Variants in COX7A2L observed in about 807,000 individuals in gnomAD.
COX7A2L encodes the protein cytochrome c oxidase subunit 7A2 like.
In COX7A2L, 18 loss-of-function variants were observed where a neutral mutation model predicts 14.2. The observed-to-expected ratio is 1.27, with a 90% CI of 0.88 to 1.88. The LOEUF is 1.88. Among genes scored for constraint, COX7A2L ranks in the 40% most tolerant of loss-of-function variants. The probability of loss-of-function intolerance (pLI) is 0.00; values close to 1 mark genes in which losing one functional copy is unlikely to be tolerated. For synonymous variants in COX7A2L, 65 were observed against 57.4 expected, an observed-to-expected ratio of 1.13 and a Z score of -0.60; for missense variants, 179 against 138.8, an observed-to-expected ratio of 1.29 and a Z score of -1.46.
chr2:42,361,231 G>A, upstream of COX7A2L: 2 of 1,448,282 alleles, frequency 1.4e-6, no homozygotes, highest in Non-Finnish European at 1.9e-6. Context: ...CCGCCTCCCC[G>A]GCTGTGGTCC....
chr2:42,353,541 C>T (rs542569391), intron 1 of COX7A2L, among the ~76,000 whole-genome samples, 198 bp from the exon 2 acceptor site: 1 of 152,318 alleles, frequency 6.6e-6, no homozygotes, highest in South Asian at 2.1e-4. Context: ...AAGGCCCAAT[C>T]TGAGCTTCCA....
intron 2 of COX7A2L, among the ~76,000 whole-genome samples, chr2:42,341,986 C>T (rs936613437): frequency 1.3e-5 from 2 of 152,134 alleles, no homozygotes; most frequent in African/African-American, 4.8e-5. Flanking sequence ...TGCCACATAA[C>T]ATGGAGGCTT....
downstream of COX7A2L, among the ~76,000 whole-genome samples, chr2:42,346,656 T>G (rs1004701719): frequency 6.6e-6 from 1 of 151,488 alleles, no homozygotes; most frequent in African/African-American, 2.4e-5. Flanking sequence ...TCCCACTACT[T>G]AGGAGGGTGA....
At chr2:42,354,495 G>A (rs1670757128) in intron 1 of COX7A2L, among the ~76,000 whole-genome samples, 1 of 152,108 alleles carries the variant, frequency 6.6e-6, no homozygotes, top group African/African-American at 2.4e-5. Context: ...AGACAAAGAA[G>A]GAAACCTCTT....
chr2:42,355,179 C>T (rs1421425966), intron 1 of COX7A2L, among the ~76,000 whole-genome samples: 3 of 152,144 alleles, frequency 2.0e-5, no homozygotes, highest in Non-Finnish European at 4.4e-5. Flanking sequence ...TTTAGAAATA[C>T]AACACACTCA....
intron 2 of COX7A2L, among the ~76,000 whole-genome samples, chr2:42,352,016 C>T (rs1310046390): frequency 1.3e-5 from 2 of 152,116 alleles, no homozygotes; most frequent in African/African-American, 4.8e-5. Context: ...GCACGAGAAA[C>T]GTTCTCCATT....
In COX7A2L at chr2:42,342,024, GGGGAA is replaced by G. The variant is rs1670412659; in HGVS notation, c.193-8160_193-8156del. Among the ~76,000 whole-genome samples, 2 of 152,190 alleles carry G rather than the reference GGGGAA, an allele frequency of 1.3e-5. No homozygotes were observed. The highest frequency in any genetic ancestry group is 2.9e-5 in the Non-Finnish European group (2 of 68,024). ...TGGCCTAAGCAGGGGGCAGGTGGGA[GGGGAA>G]GATGGGGTTAAAGCCCTCCCAGGTA... On this transcript the variant is annotated intron_variant, in intron 2 of 2. Transcript: ENST00000468711. The surrounding 1 kb of genome is among the most constrained non-coding windows in gnomAD (Gnocchi z 4.9).
At chr2:42,360,370 C>G (rs938281034) in intron 1 of COX7A2L, among the ~76,000 whole-genome samples, 1 of 152,152 alleles carries the variant, frequency 6.6e-6, no homozygotes, top group Non-Finnish European at 1.5e-5. Flanking sequence ...ACAATTAAAG[C>G]GGAAAACGCC....
chr2:42,366,989 G>A (rs764650544), intron 1 of COX7A2L, among the ~76,000 whole-genome samples: 2 of 152,132 alleles, frequency 1.3e-5, no homozygotes, highest in Admixed American at 1.3e-4. Context: ...GAGGAGTTGG[G>A]TATCCCACTA....
Position 42,350,603 on chromosome 2 carries a change from A to G in COX7A2L, c.*616T>C, listed in dbSNP as rs552032457. The G allele has an allele frequency of 1.3e-5, 2 of 152,342 alleles. No individual in the cohort carries two copies. The highest frequency in any genetic ancestry group is 4.1e-4 in the South Asian group (2 of 4,826). The allele number at this position is 152,342 out of a possible 1,614,324, so 9.4% of individuals were successfully genotyped here. The stretch of plus-strand genomic sequence containing the variant: ...GAATTTGTGGCACAGCTGCATTAAC[A>G]AAACAGACACCAGTCTAAAGTGCAA... On this transcript the variant is annotated 3_prime_UTR_variant, in exon 3 of 3. Coordinates refer to ENST00000234301, the MANE Select transcript of COX7A2L (RefSeq NM_004718.4).
intron 2 of COX7A2L, among the ~76,000 whole-genome samples, chr2:42,344,173 T>C (rs1339746773): frequency 2.0e-5 from 3 of 152,268 alleles, no homozygotes; most frequent in Admixed American, 6.5e-5. Flanking sequence ...GTATAGTTTC[T>C]ATTGTTATAA....
intron 2 of COX7A2L, among the ~76,000 whole-genome samples, chr2:42,336,949 G>T (rs1173645171): frequency 6.6e-6 from 1 of 152,132 alleles, no homozygotes; most frequent in Non-Finnish European, 1.5e-5. Context: ...AGAAAGATTA[G>T]CCCCTGCCCT....
At position 42,338,182 on chromosome 2, in the gene COX7A2L, G is replaced by A. The variant is rs1558625529; in HGVS notation, c.193-4313C>T. Among the ~76,000 whole-genome samples, 1 of 152,160 alleles carries A rather than the reference G, an allele frequency of 6.6e-6. No individual in the cohort carries two copies. The highest frequency in any genetic ancestry group is 2.4e-5 in the African/African-American group (1 of 41,444). On this transcript the variant is annotated intron_variant, in intron 2 of 2. Coordinates refer to the COX7A2L transcript ENST00000468711. The surrounding 1 kb of genome is among the most constrained non-coding windows in gnomAD (Gnocchi z 4.4). ...GCCCACATGCAAGGCAGAGACAGCC[G>A]TTCCGTGTTTCTCCCCCAGCCGCAG...
chr2:42,357,628 G>T (rs934511935), intron 1 of COX7A2L, among the ~76,000 whole-genome samples: 8 of 151,866 alleles, frequency 5.3e-5, no homozygotes, highest in African/African-American at 1.7e-4. Flanking sequence ...TATTTCTAAC[G>T]GTAAGCTAGA....
At chr2:42,353,406 T>C in intron 1 of COX7A2L, 63 bp from the exon 2 acceptor site, 1 of 1,590,370 alleles carries the variant, frequency 6.3e-7, no homozygotes, top group Non-Finnish European at 8.5e-7. Flanking sequence ...TCTGGAATAG[T>C]GGAGGCAGCC....
rs1053620271 is a variant in COX7A2L at position 42,339,810 on chromosome 2, G to A, written c.193-5941C>T. ...GCAGCCTCGACTCTGCCCTCCTGTC[G>A]CCACTGAAGACTTTGGTTTGGTTTT... On this transcript the variant is annotated intron_variant, in intron 2 of 2. Coordinates refer to the COX7A2L transcript ENST00000468711. This position sits in a 1 kb window ranked among gnomAD's most constrained non-coding sequence, Gnocchi z 5.4. Among the ~76,000 whole-genome samples, 8 of 152,054 alleles carry A rather than the reference G, an allele frequency of 5.3e-5. No individual in the cohort carries two copies. The highest frequency in any genetic ancestry group is 2.1e-4 in the South Asian group (1 of 4,828).
intron 1 of COX7A2L, among the ~76,000 whole-genome samples, chr2:42,354,173 G>A (rs1182337717): frequency 1.3e-5 from 2 of 152,278 alleles, no homozygotes; most frequent in East Asian, 3.9e-4. Flanking sequence ...TGTGGTGGTA[G>A]TTGCATATAT....
At position 42,349,718 on chromosome 2, in the gene COX7A2L, TATAA is replaced by T. The variant is rs2103884042; in HGVS notation, c.*1497_*1500del. 6.6e-6 allele frequency: 1 copy of T among 152,346 alleles called. No homozygotes were observed. Among genetic ancestry groups the T allele is most frequent in the East Asian group, 1.9e-4 (1 of 5,190 alleles). The allele number at this position is 152,346 out of a possible 1,614,324, so 9.4% of individuals were successfully genotyped here. A position where few individuals can be genotyped will look rare whatever the true frequency, so the allele number is the denominator to read the frequency against. ...ACTATGTATTAGATGGTAGTATTGT[TATAA>T]ATGTTAACTTTATTGAGTCTGACAA... On this transcript the variant is annotated 3_prime_UTR_variant, in exon 3 of 3. Coordinates refer to ENST00000234301, the MANE Select transcript of COX7A2L (RefSeq NM_004718.4).
chr2:42,359,268 C>T (rs1271668199), intron 1 of COX7A2L: 2 of 152,124 alleles, frequency 1.3e-5, no homozygotes, highest in Non-Finnish European at 2.9e-5. Flanking sequence ...GTTCCATTTA[C>T]ATGAAGTTCA....
Sources: gnomAD v4.1 joint callset for allele counts (sites outside exome capture counted in the v4.1 genomes callset) on GRCh38, gnomAD v4.1.1 for gene constraint, Gnocchi (gnomAD v3.1) non-coding constraint, MANE v1.5 for transcripts, NCBI Gene and HGNC (gene_info 2026-07-23, HGNC 2026-07-21) for gene names.